The following KIF6 variants were observed in gnomAD, a reference collection of about 807,000 sequenced individuals.
The protein encoded by KIF6 is kinesin family member 6.
KIF6 carries 106 observed loss-of-function variants against 112.7 expected under a neutral mutation model. The observed-to-expected ratio is 0.94, with a 90% CI of 0.80 to 1.11. The LOEUF (loss-of-function observed/expected upper bound fraction) is 1.11, where lower values mean the gene tolerates loss of function less well. Among genes scored for constraint, KIF6 ranks in the 50% least tolerant of loss-of-function variants. The probability of loss-of-function intolerance (pLI) is 0.00; values close to 1 mark genes in which losing one functional copy is unlikely to be tolerated. For missense variants in KIF6, 929 were observed against 964.0 expected, an observed-to-expected ratio of 0.96 and a Z score of 0.48; for synonymous variants, 339 against 339.9, an observed-to-expected ratio of 1.00 and a Z score of 0.03.
intron 13 of KIF6, among the ~76,000 whole-genome samples, chr6:39,437,829 T>C (rs902494808): frequency 1.3e-5 from 2 of 152,234 alleles, no homozygotes; most frequent in African/African-American, 4.8e-5. Flanking sequence ...ATTTGTCACA[T>C]GTTTGTGGTG....
intron 3 of KIF6, among the ~76,000 whole-genome samples, chr6:39,678,261 A>C (rs1313376291): frequency 2.0e-5 from 3 of 152,060 alleles, no homozygotes; most frequent in African/African-American, 7.2e-5. Flanking sequence ...TCAGGGATCT[A>C]GAACTAGAAA....
chr6:39,474,383 T>C (rs1774303396), intron 13 of KIF6, among the ~76,000 whole-genome samples: 1 of 152,236 alleles, frequency 6.6e-6, no homozygotes, highest in Non-Finnish European at 1.5e-5. Flanking sequence ...AGGTAGCCTC[T>C]ATTCAGGGGT....
rs369251193 is a variant in KIF6, at chr6:39,454,673, C to T, written c.1646-23512G>A. On this transcript the variant is annotated intron_variant, in intron 13 of 22. Transcript: ENST00000287152. ...GGCCAGTGGGTGCGCACACCGTGCG[C>T]GAGCCGAAGCAGGGCGAGGCATTGC... Among the ~76,000 whole-genome samples the T allele has an allele frequency of 2.6e-5, 4 of 152,218 alleles. No individual in the cohort carries two copies. In the East Asian group the frequency reaches 5.8e-4, roughly 22 times the overall value.
chr6:39,567,165 C>T (rs1462425891), intron 10 of KIF6, among the ~76,000 whole-genome samples: 4 of 152,094 alleles, frequency 2.6e-5, no homozygotes, highest in Non-Finnish European at 5.9e-5. Context: ...ATCAAGGAAT[C>T]ATAGTAACAG....
At chr6:39,698,974 A>T (rs988774846) in intron 3 of KIF6, among the ~76,000 whole-genome samples, 3 of 152,226 alleles carry the variant, frequency 2.0e-5, no homozygotes, top group African/African-American at 7.2e-5. Context: ...CCTTGCAGTT[A>T]TGTGAATAAT....
At chr6:39,594,270 G>A (rs1005537439) in intron 7 of KIF6, among the ~76,000 whole-genome samples, 1 of 151,770 alleles carries the variant, frequency 6.6e-6, no homozygotes, top group African/African-American at 2.4e-5. Flanking sequence ...TTGGTGGGAA[G>A]TCTGATTCAA....
chr6:39,423,821 C>A (rs1178325007), intron 14 of KIF6, among the ~76,000 whole-genome samples: 1 of 152,114 alleles, frequency 6.6e-6, no homozygotes, highest in African/African-American at 2.4e-5. Context: ...TCAGAGCATT[C>A]CACTTAGCTC....
chr6:39,526,549 G>T (rs1446304736), intron 13 of KIF6, among the ~76,000 whole-genome samples: 1 of 152,142 alleles, frequency 6.6e-6, no homozygotes, highest in East Asian at 1.9e-4. Context: ...ACTCACACCA[G>T]AAAGCAGAGA....
intron 13 of KIF6, among the ~76,000 whole-genome samples, chr6:39,531,736 C>T (rs1778074994): frequency 6.6e-6 from 1 of 152,132 alleles, no homozygotes; most frequent in African/African-American, 2.4e-5. Flanking sequence ...TTACCCCCAG[C>T]ATCCAATCTG....
chr6:39,668,354 GA>G (rs531973770), intron 3 of KIF6, among the ~76,000 whole-genome samples: 143 of 152,112 alleles, frequency 9.4e-4, no homozygotes, highest in African/African-American at 3.2e-3. Flanking sequence ...CTTTTTAGGA[GA>G]AAAAAATAAT....
At chr6:39,689,616 A>G (rs1788068784) in intron 3 of KIF6, among the ~76,000 whole-genome samples, 1 of 152,066 alleles carries the variant, frequency 6.6e-6, no homozygotes, top group Non-Finnish European at 1.5e-5. Flanking sequence ...TTTTTTTCAG[A>G]GGGCCAGGGT....
At chr6:39,569,100 G>A (rs978618326) in intron 10 of KIF6, among the ~76,000 whole-genome samples, 2 of 152,170 alleles carry the variant, frequency 1.3e-5, no homozygotes, top group African/African-American at 4.8e-5. Flanking sequence ...TCATGTCACA[G>A]AACTTGTGGA....
intron 10 of KIF6, among the ~76,000 whole-genome samples, chr6:39,575,513 G>T (rs923222962): frequency 9.9e-5 from 15 of 152,032 alleles, no homozygotes; most frequent in African/African-American, 1.2e-4. Flanking sequence ...TTTGTGATCC[G>T]CCCGCCTTGG....
intron 3 of KIF6, among the ~76,000 whole-genome samples, chr6:39,640,662 A>G (rs1435152397): frequency 6.6e-6 from 1 of 152,058 alleles, no homozygotes; most frequent in Admixed American, 6.6e-5. Context: ...TTCTGTCAAC[A>G]TCCTATCTAC....
intron 13 of KIF6, among the ~76,000 whole-genome samples, chr6:39,514,029 G>C (rs1487655902): frequency 6.6e-6 from 1 of 152,098 alleles, no homozygotes; most frequent in African/African-American, 2.4e-5. Context: ...ATCTTTTTCT[G>C]GATTTGGTTA....
intron 13 of KIF6, among the ~76,000 whole-genome samples, chr6:39,487,991 A>ATCTATCTATCTATCTG (rs2150470037): frequency 1.7e-3 from 2 of 1,210 alleles, no homozygotes; most frequent in African/African-American, 0.013. Flanking sequence ...ATTTATAGGC[A>ATCTATCTATCTATCTG]TCTATCTATC....
intron 18 of KIF6, among the ~76,000 whole-genome samples, chr6:39,358,764 T>C (rs1386925228): frequency 1.3e-5 from 2 of 152,218 alleles, no homozygotes; most frequent in Non-Finnish European, 2.9e-5. Context: ...TTTCTTTCAG[T>C]GATAAATGCA....
chr6:39,487,347 T>C (rs1293645138), intron 13 of KIF6, among the ~76,000 whole-genome samples: 1 of 152,174 alleles, frequency 6.6e-6, no homozygotes, highest in African/African-American at 2.4e-5. Flanking sequence ...TCTCTGGGAA[T>C]TGCCCTCTGC....
At position 39,687,218 on chromosome 6, in the gene KIF6, CAGA is replaced by C. The variant is rs1453023270; in HGVS notation, c.251+27471_251+27473del. Among the ~76,000 whole-genome samples the C allele has an allele frequency of 7.9e-5, 12 of 152,242 alleles. No individual in the cohort carries two copies. In the East Asian group the frequency reaches 2.3e-3, roughly 29 times the overall value. On this transcript the variant is annotated intron_variant, in intron 3 of 22. Coordinates refer to ENST00000287152, the MANE Select transcript of KIF6 (RefSeq NM_145027.6). ...TGAGTGGTGAAAGTAGGGGGCAGGGCAGAAGAAGACACATCCCCCAACACAAAG... is the reference window on the plus strand; with the variant it reads ...TGAGTGGTGAAAGTAGGGGGCAGGGCAGAAGACACATCCCCCAACACAAAG...
Sources: gnomAD v4.1 joint callset for allele counts (sites outside exome capture counted in the v4.1 genomes callset) on GRCh38, gnomAD v4.1.1 for gene constraint, MANE v1.5 for transcripts, NCBI Gene and HGNC (gene_info 2026-07-23, HGNC 2026-07-21) for gene names.